PHGDH: variants seen among roughly 807,000 people sequenced by gnomAD.
PHGDH encodes phosphoglycerate dehydrogenase, also known as D-3-phosphoglycerate dehydrogenase.
A neutral mutation model predicts 52.6 loss-of-function variants in PHGDH; 50 were observed. The ratio of observed to expected loss-of-function variants is 0.95; its 90% CI spans 0.76 to 1.20. The LOEUF is 1.20. Ranked by LOEUF, PHGDH falls within the 50% of genes most tolerant of loss-of-function variation. The pLI is 0.00. For synonymous variants in PHGDH, 271 were observed against 280.5 expected (o/e 0.97, Z 0.34); for missense variants, 630 against 684.6 (o/e 0.92, Z 0.89).
At chr1:119,739,058 TC>T (rs1652070217) in intron 8 of PHGDH, among the ~76,000 whole-genome samples, 1 of 152,252 alleles carries the variant, frequency 6.6e-6, no homozygotes, top group South Asian at 2.1e-4. Context: ...CCCTGCATTT[TC>T]CCCAGTTCAA....
intron 5 of PHGDH, among the ~76,000 whole-genome samples, chr1:119,732,241 G>T (rs1312381886): frequency 1.3e-5 from 2 of 152,152 alleles, no homozygotes; most frequent in Non-Finnish European, 2.9e-5. Context: ...GCCTCTCAGG[G>T]CTGTCTTCTG....
At position 119,726,897 on chromosome 1, in the gene PHGDH, C is replaced by T. The variant is rs267606949; in HGVS notation, c.403C>T (p.Arg135Trp). Residue 135 changes from arginine (R) to tryptophan (W), a missense_variant, in exon 4 of 12, where the codon CGG (arginine) becomes TGG (tryptophan). Transcript: ENST00000641023. ...TASMKDGKWERKKFMGTELNG... is the reference protein window; with the variant it reads ...TASMKDGKWEWKKFMGTELNG... ...TTCGATGAAGGACGGCAAATGGGAG[C>T]GGAAGAAGGTGAGCAGCGGCCTTGA... 1.1e-5 allele frequency: 18 copies of T among 1,613,984 alleles called. No individual in the cohort carries two copies. Among genetic ancestry groups the T allele is most frequent in the Admixed American group, 5.0e-5 (3 of 60,026 alleles).
intron 2 of PHGDH, 41 bp from the exon 3 acceptor site, chr1:119,723,335 G>T (rs1225780546): frequency 2.0e-6 from 3 of 1,478,720 alleles, no homozygotes; most frequent in South Asian, 1.1e-5. Flanking sequence ...GGGAATACTG[G>T]GTCTGTGCCC....
At chr1:119,726,948 G>A (rs371826500) in intron 4 of PHGDH, 43 bp downstream of exon 4, 32 of 1,606,646 alleles carry the variant, frequency 2.0e-5, no homozygotes, top group Admixed American at 1.3e-4. Flanking sequence ...CTCAGGGCCC[G>A]GGGTCCACTC....
intron 5 of PHGDH, 171 bp from the exon 6 acceptor site, chr1:119,734,456 ATAGTACT>A: frequency 1.4e-6 from 1 of 689,896 alleles, no homozygotes; most frequent in Admixed American, 2.0e-5. Context: ...TATATGGTAA[ATAGTACT>A]TAGTATGTGG....
rs888185488 is a variant in PHGDH at position 119,734,553 on chromosome 1, A to G, written c.511-81A>G. On this transcript the variant is annotated intron_variant, in intron 5 of 11. Coordinates refer to ENST00000641023, the MANE Select transcript of PHGDH (RefSeq NM_006623.4). ...GGTAGTTAGTATATGGTAAATGCTCAAAAAATGTTTGCCATTCTTAATAAT... is the reference window on the plus strand; with the variant it reads ...GGTAGTTAGTATATGGTAAATGCTCGAAAAATGTTTGCCATTCTTAATAAT... 8 of 1,410,808 alleles carry G rather than the reference A, an allele frequency of 5.7e-6. No individual in the cohort carries two copies. In the African/African-American group the frequency reaches 8.5e-5, roughly 15 times the overall value. The allele number at this position is 1,410,808 out of a possible 1,614,324, so 87.4% of individuals were successfully genotyped here.
In PHGDH at chr1:119,712,148, AG is replaced by A. The variant is rs753325962; in HGVS notation, c.127del (p.Ala43ArgfsTer17). 2.5e-6 allele frequency: 4 copies of A among 1,614,094 alleles called. No individual in the cohort carries two copies. Among genetic ancestry groups the A allele is most frequent in the Non-Finnish European group, 2.5e-6 (3 of 1,179,958 alleles). On this transcript the variant is annotated frameshift_variant, in exon 1 of 12. Transcript: ENST00000641023. LOFTEE classifies it high-confidence loss of function. ...KQNLSKEELI[A>X]ELQDCEGLIV... is the part of the protein sequence containing the mutation. ...AGAACCTTAGCAAAGAGGAGCTGAT[AG>A]CGGAGCTGCAGGTAAGGCGAGAGAG...
At chr1:119,741,657 C>T in intron 9 of PHGDH, 110 bp from the exon 10 acceptor site, 2 of 1,015,596 alleles carry the variant, frequency 2.0e-6, no homozygotes, top group Non-Finnish European at 3.1e-6. Flanking sequence ...CTTTGGGGTC[C>T]CCAGGGCAGC....
chr1:119,736,425 C>G (rs909462897), intron 7 of PHGDH, among the ~76,000 whole-genome samples: 1 of 152,208 alleles, frequency 6.6e-6, no homozygotes, highest in Non-Finnish European at 1.5e-5. Context: ...CCAGGACTCA[C>G]AGGGTTAAAT....
At chr1:119,738,352 C>T (rs1442082428) in intron 8 of PHGDH, among the ~76,000 whole-genome samples, 2 of 152,228 alleles carry the variant, frequency 1.3e-5, no homozygotes, top group Non-Finnish European at 2.9e-5. Context: ...CCCCTCCATC[C>T]TGAGGAAAGA....
intron 5 of PHGDH, 123 bp downstream of exon 5, chr1:119,727,225 A>G (rs1651471516): frequency 8.3e-6 from 6 of 718,726 alleles, no homozygotes; most frequent in Non-Finnish European, 1.5e-5. Flanking sequence ...TGGAGCCCCC[A>G]TCTAAATAAG....
Position 119,744,160 on chromosome 1 carries a change from C to A in PHGDH, c.*120C>A. The A allele has an allele frequency of 1.1e-6, 1 of 877,034 alleles. No homozygotes were observed. Among genetic ancestry groups the A allele is most frequent in the Non-Finnish European group, 1.9e-6 (1 of 520,046 alleles). 54.3% of individuals were successfully genotyped at this position (877,034 alleles called of 1,614,324 possible). A position where few individuals can be genotyped will look rare whatever the true frequency, so the allele number is the denominator to read the frequency against. The stretch of plus-strand genomic sequence containing the variant: ...ACGCGGGCCTCTGACACTGCTTACA[C>A]TGCACTCTGACCCTGTAGTACAGCA... On this transcript the variant is annotated 3_prime_UTR_variant, in exon 12 of 12. Coordinates refer to ENST00000641023, the MANE Select transcript of PHGDH (RefSeq NM_006623.4).
chr1:119,718,757 C>G (rs587686115), intron 1 of PHGDH, among the ~76,000 whole-genome samples: 126 of 152,276 alleles, frequency 8.3e-4, no homozygotes, highest in Admixed American at 1.6e-3. Flanking sequence ...GGTTTATGTG[C>G]TGGTGAGGCT....
intron 9 of PHGDH, 122 bp from the exon 10 acceptor site, chr1:119,741,645 G>T: frequency 1.1e-6 from 1 of 881,082 alleles, no homozygotes. Context: ...GGAGCAAGCT[G>T]CCTTTGGGGT....
intron 1 of PHGDH, chr1:119,712,554 C>T (rs1345603303): frequency 7.1e-6 from 2 of 280,258 alleles, no homozygotes; most frequent in African/African-American, 2.2e-5. Context: ...ACCGCCTCCG[C>T]GCGGGGCGAT....
chr1:119,736,201 C>A lies in PHGDH; in HGVS notation c.792+758C>A, dbSNP rs1439157806. On this transcript the variant is annotated intron_variant, in intron 7 of 11. Coordinates refer to ENST00000641023, the MANE Select transcript of PHGDH (RefSeq NM_006623.4). ...CACTGTGTACTCCCAGCCCAGGGCA[C>A]ACAGTGCCTTTTGGTTTGTAACCTT... Among the ~76,000 whole-genome samples the A allele has an allele frequency of 2.0e-5, 3 of 152,224 alleles. No homozygotes were observed. In the East Asian group the frequency reaches 5.8e-4, roughly 29 times the overall value.
At chr1:119,731,488 G>A (rs1426735795) in intron 5 of PHGDH, among the ~76,000 whole-genome samples, 1 of 152,180 alleles carries the variant, frequency 6.6e-6, no homozygotes, top group Non-Finnish European at 1.5e-5. Flanking sequence ...TGTAGCCAGC[G>A]TTGTGATGAA....
intron 10 of PHGDH, chr1:119,742,106 A>G (rs1652236330): frequency 1.7e-6 from 1 of 598,724 alleles, no homozygotes; most frequent in Non-Finnish European, 3.0e-6. Flanking sequence ...TTTGTGTATG[A>G]GTGCTGTGGG....
At chr1:119,723,558 G>T in intron 3 of PHGDH, 117 bp downstream of exon 3, 1 of 803,810 alleles carries the variant, frequency 1.2e-6, no homozygotes, top group Non-Finnish European at 2.2e-6. Flanking sequence ...CTTGCAGACT[G>T]CTAAGAAGGC....
Sources: allele counts gnomAD v4.1 joint callset (sites outside exome capture counted in the v4.1 genomes callset), GRCh38; gene constraint gnomAD v4.1.1; transcripts MANE v1.5; gene names NCBI Gene and HGNC (gene_info 2026-07-23, HGNC 2026-07-21).